The following CADPS2 variants were observed in gnomAD, a reference collection of about 807,000 sequenced individuals.
CADPS2 encodes calcium-dependent secretion activator 2.
A neutral mutation model predicts 172.5 loss-of-function variants in CADPS2; 93 were observed. That is an observed-to-expected ratio of 0.54 (90% confidence interval 0.46 to 0.64). CADPS2 has a LOEUF of 0.64. Among genes scored for constraint, CADPS2 ranks in the 30% least tolerant of loss-of-function variants. The pLI, the probability that CADPS2 is intolerant of heterozygous loss-of-function variation, is 0.00. For missense variants in CADPS2, 1,420 were observed against 1,565.9 expected (o/e 0.91, Z 1.57); for synonymous variants, 546 against 555.2 (o/e 0.98, Z 0.23).
intron 25 of CADPS2, among the ~76,000 whole-genome samples, chr7:122,362,208 A>T (rs1311536286): frequency 1.3e-5 from 2 of 152,230 alleles, no homozygotes; most frequent in Non-Finnish European, 2.9e-5. Flanking sequence ...ACAAGCATTT[A>T]CCAGGCAGTT....
At chr7:122,482,080 C>T (rs1322541786) in intron 11 of CADPS2, among the ~76,000 whole-genome samples, 3 of 152,126 alleles carry the variant, frequency 2.0e-5, no homozygotes, top group Admixed American at 6.5e-5. Context: ...GCTAGTGGTT[C>T]CTACCTGCTT....
chr7:122,624,695 G>A (rs904621149), intron 4 of CADPS2, among the ~76,000 whole-genome samples: 2 of 152,142 alleles, frequency 1.3e-5, no homozygotes, highest in African/African-American at 4.8e-5. Flanking sequence ...GGGAGAAAAG[G>A]GAGGGAGTCT....
chr7:122,811,752 T>A (rs1800072092), intron 1 of CADPS2, among the ~76,000 whole-genome samples: 2 of 152,300 alleles, frequency 1.3e-5, no homozygotes, highest in South Asian at 4.1e-4. Flanking sequence ...TGTTCTCCTA[T>A]GTCATAGTTA....
At chr7:122,552,577 T>C (rs1423441558) in intron 8 of CADPS2, among the ~76,000 whole-genome samples, 4 of 152,038 alleles carry the variant, frequency 2.6e-5, no homozygotes, top group Non-Finnish European at 5.9e-5. Flanking sequence ...TTGTCTCACC[T>C]ATCCTGGAGT....
At chr7:122,782,229 A>T (rs1373509708) in intron 1 of CADPS2, among the ~76,000 whole-genome samples, 1 of 152,192 alleles carries the variant, frequency 6.6e-6, no homozygotes, top group Admixed American at 6.5e-5. Flanking sequence ...TGGGATTTTC[A>T]GGGACAAAAT....
intron 2 of CADPS2, chr7:122,698,330 CA>C (rs752242233): frequency 3.1e-6 from 5 of 1,613,970 alleles, no homozygotes; most frequent in Non-Finnish European, 4.2e-6. Context: ...GCAGTTGTGA[CA>C]ATCACAAAAG....
intron 27 of CADPS2, among the ~76,000 whole-genome samples, chr7:122,351,108 G>C (rs1056295362): frequency 1.3e-5 from 2 of 151,180 alleles, no homozygotes; most frequent in Non-Finnish European, 3.0e-5. Flanking sequence ...ATTCATGCCT[G>C]TAATCCCAGC....
intron 14 of CADPS2, among the ~76,000 whole-genome samples, chr7:122,470,796 T>C (rs1442083351): frequency 6.6e-6 from 1 of 152,092 alleles, no homozygotes; most frequent in Non-Finnish European, 1.5e-5. Context: ...ACACGCGGCA[T>C]GATATGGACA....
chr7:122,720,638 A>G (rs1317110632), intron 2 of CADPS2, among the ~76,000 whole-genome samples: 3 of 151,808 alleles, frequency 2.0e-5, no homozygotes, highest in Non-Finnish European at 4.4e-5. Flanking sequence ...GTATGTGTAT[A>G]CACACAGAGC....
intron 3 of CADPS2, among the ~76,000 whole-genome samples, chr7:122,637,533 T>C (rs1158809013): frequency 6.6e-6 from 1 of 152,178 alleles, no homozygotes; most frequent in East Asian, 1.9e-4. Flanking sequence ...TTCTTTAAAA[T>C]AGCTATTTTG....
chr7:122,613,904 T>C (rs1434350809), intron 6 of CADPS2, among the ~76,000 whole-genome samples: 5 of 151,926 alleles, frequency 3.3e-5, no homozygotes, highest in African/African-American at 1.2e-4. Context: ...AGGAAATACA[T>C]TGCAAAATAA....
rs71161331 is a variant in CADPS2 at position 122,722,667 on chromosome 7, T to TTCTTCACAGAATG, written c.453+14287_453+14288insCATTCTGTGAAGA. Among the ~76,000 whole-genome samples the TTCTTCACAGAATG allele has an allele frequency of 3.7e-4, 2 of 5,442 alleles. 1 individual carries two copies. Among genetic ancestry groups the TTCTTCACAGAATG allele is most frequent in the East Asian group, 0.022 (2 of 92 alleles). 3.6% of individuals were successfully genotyped at this position (5,442 alleles called of 152,430 possible). The stretch of plus-strand genomic sequence containing the variant: ...CATCCCCATCAAGCTACCAATGACT[T>TTCTTCACAGAATG]GGAAAAAACTACTTTAAAGTTCATA... On this transcript the variant is annotated intron_variant, in intron 2 of 29. Transcript: ENST00000449022.
intron 17 of CADPS2, among the ~76,000 whole-genome samples, chr7:122,425,107 C>A (rs1015809834): frequency 8.6e-5 from 13 of 152,040 alleles, no homozygotes; most frequent in African/African-American, 2.9e-4. Flanking sequence ...CCACCTCAGC[C>A]TCCTAAGTAG....
intron 1 of CADPS2, among the ~76,000 whole-genome samples, chr7:122,768,356 T>C (rs921716592): frequency 3.9e-5 from 6 of 152,132 alleles, no homozygotes; most frequent in Non-Finnish European, 7.4e-5. Context: ...CTAAGCAAAA[T>C]CATCCTGTTA....
At chr7:122,598,035 G>C (rs1227682324) in intron 6 of CADPS2, among the ~76,000 whole-genome samples, 2 of 151,930 alleles carry the variant, frequency 1.3e-5, no homozygotes, top group Non-Finnish European at 1.5e-5. Context: ...TTGTTGCCTA[G>C]TTAGGTATTT....
At chr7:122,804,463 G>T (rs1401680617) in intron 1 of CADPS2, among the ~76,000 whole-genome samples, 2 of 152,110 alleles carry the variant, frequency 1.3e-5, no homozygotes, top group African/African-American at 4.8e-5. Flanking sequence ...GATGATTTTA[G>T]AATCACTGAC....
intron 14 of CADPS2, among the ~76,000 whole-genome samples, chr7:122,461,886 G>T (rs28684792): frequency 6.6e-6 from 1 of 151,752 alleles, no homozygotes; most frequent in Admixed American, 6.6e-5. Flanking sequence ...GAGCCACCTC[G>T]CCTGGCCTGC....
At chr7:122,878,639 CAAATAAATAAATAAATAAATAAAT>C (rs59190953) in intron 1 of CADPS2, among the ~76,000 whole-genome samples, 7 of 138,994 alleles carry the variant, frequency 5.0e-5, no homozygotes, top group East Asian at 2.1e-4. Flanking sequence ...GACTCTGTCT[CAAATAAATAAATAAATAAATAAAT>C]AAATAAATAA....
intron 1 of CADPS2, among the ~76,000 whole-genome samples, chr7:122,837,655 A>G (rs935002525): frequency 5.3e-5 from 8 of 152,238 alleles, no homozygotes; most frequent in African/African-American, 9.6e-5. Context: ...AAACACCTCT[A>G]TGCAAATAAA....
Sources: allele counts gnomAD v4.1 joint callset (sites outside exome capture counted in the v4.1 genomes callset), GRCh38; gene constraint gnomAD v4.1.1; transcripts MANE v1.5; gene names NCBI Gene and HGNC (gene_info 2026-07-23, HGNC 2026-07-21).